The following FSTL5 variants were observed in gnomAD, a reference collection of about 807,000 sequenced individuals.
FSTL5 encodes the protein follistatin like 5, also known as follistatin-related protein 5.
Under a neutral mutation model 89.1 loss-of-function variants are expected in FSTL5, and 62 were observed. The ratio of observed to expected loss-of-function variants is 0.70; its 90% CI spans 0.57 to 0.86. The LOEUF is 0.86. Among genes scored for constraint, FSTL5 ranks in the 40% least tolerant of loss-of-function variants. FSTL5 has a pLI of 0.00. For missense variants in FSTL5, 1,057 were observed against 1,001.6 expected (o/e 1.06, Z -0.75); for synonymous variants, 383 against 346.2 (o/e 1.11, Z -1.18).
chr4:161,584,034 C>A (rs1733523159), intron 8 of FSTL5, among the ~76,000 whole-genome samples: 1 of 152,044 alleles, frequency 6.6e-6, no homozygotes, highest in African/African-American at 2.4e-5. Context: ...AAATCAGAAT[C>A]TTTTTTTCTC....
intron 4 of FSTL5, among the ~76,000 whole-genome samples, chr4:161,845,499 C>A (rs2126875573): frequency 6.6e-6 from 1 of 152,300 alleles, no homozygotes; most frequent in South Asian, 2.1e-4. Flanking sequence ...GTTGATTACT[C>A]ATTTTATTCA....
intron 5 of FSTL5, among the ~76,000 whole-genome samples, chr4:161,771,230 C>G (rs187835620): frequency 2.0e-5 from 3 of 152,126 alleles, no homozygotes; most frequent in Admixed American, 2.0e-4. Context: ...AAGAATATGC[C>G]TTCCCTTTAT....
chr4:161,896,902 C>G (rs1733174343), intron 4 of FSTL5, among the ~76,000 whole-genome samples: 1 of 151,928 alleles, frequency 6.6e-6, no homozygotes, highest in East Asian at 1.9e-4. Flanking sequence ...ACTAAAGATA[C>G]CATTGGCATA....
intron 3 of FSTL5, among the ~76,000 whole-genome samples, chr4:162,017,082 G>A (rs529189347): frequency 6.6e-6 from 1 of 152,306 alleles, no homozygotes; most frequent in South Asian, 2.1e-4. Context: ...AAAGGTGGTA[G>A]ACATTCCCTC....
intron 3 of FSTL5, among the ~76,000 whole-genome samples, chr4:161,960,871 C>A (rs1390124473): frequency 6.6e-6 from 1 of 151,774 alleles, no homozygotes; most frequent in Non-Finnish European, 1.5e-5. Flanking sequence ...ACTAACAAGT[C>A]AGGATTTAGA....
At chr4:161,740,089 A>G (rs1026444271) in intron 6 of FSTL5, among the ~76,000 whole-genome samples, 8 of 151,762 alleles carry the variant, frequency 5.3e-5, no homozygotes, top group Non-Finnish European at 1.0e-4. Context: ...GCACAATCTC[A>G]GCTCACTGCA....
chr4:161,694,837 A>T (rs1738079610), intron 6 of FSTL5, among the ~76,000 whole-genome samples: 1 of 130,632 alleles, frequency 7.7e-6, no homozygotes, highest in African/African-American at 2.8e-5. Context: ...TTGTTTTCTA[A>T]ATGCCTTTTT....
chr4:161,819,817 T>C (rs765120630), intron 4 of FSTL5, among the ~76,000 whole-genome samples: 9 of 152,086 alleles, frequency 5.9e-5, no homozygotes, highest in Non-Finnish European at 1.5e-5. Flanking sequence ...TCTTTAGTAA[T>C]AGTAATTCCA....
intron 13 of FSTL5, 95 bp downstream of exon 13, chr4:161,480,925 T>C (rs1369203854): frequency 2.5e-6 from 2 of 797,914 alleles, no homozygotes; most frequent in Non-Finnish European, 3.9e-6. Context: ...AGGAAACACA[T>C]TATCAGTGAC....
At chr4:162,136,280 C>T (rs560902708) in intron 1 of FSTL5, among the ~76,000 whole-genome samples, 2 of 151,908 alleles carry the variant, frequency 1.3e-5, no homozygotes, top group South Asian at 2.1e-4. Flanking sequence ...ATAGTCATAC[C>T]GAAGTGGGCA....
chr4:161,560,245 A>G (rs966259713), intron 8 of FSTL5, among the ~76,000 whole-genome samples: 1 of 151,918 alleles, frequency 6.6e-6, no homozygotes, highest in African/African-American at 2.4e-5. Context: ...AATATAAAAG[A>G]TGGTACTCCT....
At position 161,386,364 on chromosome 4, in the gene FSTL5, T is replaced by C. The variant is rs764535657; in HGVS notation, c.1927A>G (p.Lys643Glu). The change falls in exon 16 of 16, where the codon AAG becomes GAG. Residue 643 changes from lysine to glutamate, a missense_variant. By Grantham distance (56) the Lys-to-Glu change is moderately conservative. Transcript: ENST00000306100. ...TMSYIKTINL[K>E]DYKCVPQSLA... is the part of the protein sequence containing the mutation. ...GACTGAGGAACGCACTTATAGTCCT[T>C]CAAGTTAATTGTCTTGATGTATGAC... The C allele has an allele frequency of 3.1e-6, 5 of 1,613,906 alleles. No individual in the cohort carries two copies. The highest frequency in any genetic ancestry group is 4.2e-6 in the Non-Finnish European group (5 of 1,179,876).
chr4:161,546,298 A>G (rs1359974158), intron 8 of FSTL5, among the ~76,000 whole-genome samples: 3 of 147,678 alleles, frequency 2.0e-5, no homozygotes, highest in Non-Finnish European at 3.0e-5. Context: ...CATATTATAT[A>G]TATATATATA....
In FSTL5 at chr4:161,516,425, C is replaced by A. The variant is rs577569124; in HGVS notation, c.1313-6001G>T. 8.2e-5 allele frequency among the ~76,000 whole-genome samples: 11 copies of A among 134,924 alleles called. No homozygotes were observed. The South Asian group carries it at 2.3e-3, about 28-fold the overall frequency. 88.5% of individuals were successfully genotyped at this position (134,924 alleles called of 152,430 possible). ...GTAAATATATATTTTTTTACATATT[C>A]TTATCAATGTCCTTAGTATGTCTGT... On this transcript the variant is annotated intron_variant, in intron 10 of 15. Transcript: ENST00000306100.
intron 6 of FSTL5, among the ~76,000 whole-genome samples, chr4:161,701,931 A>C (rs2126730492): frequency 6.6e-6 from 1 of 152,232 alleles, no homozygotes; most frequent in Non-Finnish European, 1.5e-5. Context: ...CCTACATACA[A>C]ATATGTTAAT....
At chr4:161,961,521 A>G (rs932681595) in intron 3 of FSTL5, among the ~76,000 whole-genome samples, 2 of 2,076 alleles carry the variant, frequency 9.6e-4, no homozygotes, top group Admixed American at 0.018. Context: ...ATTACTCTAG[A>G]AAAATATATA....
At chr4:161,763,049 A>G (rs1740862652) in intron 5 of FSTL5, among the ~76,000 whole-genome samples, 1 of 152,174 alleles carries the variant, frequency 6.6e-6, no homozygotes, top group African/African-American at 2.4e-5. Flanking sequence ...TTTTGTTCCA[A>G]AACAAACAAT....
chr4:161,385,938 G>A lies in FSTL5; in HGVS notation c.2353C>T (p.Pro785Ser). 6.2e-7 allele frequency: 1 copy of A among 1,613,880 alleles called. No homozygotes were observed. Residue 785 changes from proline to serine, a missense_variant, in exon 16 of 16, where the codon CCA becomes TCA. By Grantham distance (74) the Pro-to-Ser change is moderately conservative. Coordinates refer to ENST00000306100, the MANE Select transcript of FSTL5 (RefSeq NM_020116.5). The stretch of plus-strand genomic sequence containing the variant: ...CAAGGCCATTCTTCTGCCTTGAGTG[G>A]TTCCTTGAGACTCTTTATCATCTTG... ...KVKMIKSLKE[P>S]LKAEEWPWNR...
At chr4:161,639,645 A>G (rs1230602140) in intron 7 of FSTL5, among the ~76,000 whole-genome samples, 1 of 152,150 alleles carries the variant, frequency 6.6e-6, no homozygotes, top group Non-Finnish European at 1.5e-5. Context: ...AGTCTGTAGA[A>G]GGCTTGGAAA....
Sources: gnomAD v4.1 joint callset for allele counts (sites outside exome capture counted in the v4.1 genomes callset) on GRCh38, gnomAD v4.1.1 for gene constraint, MANE v1.5 for transcripts, NCBI Gene and HGNC (gene_info 2026-07-23, HGNC 2026-07-21) for gene names.